RCOR1: variants seen among roughly 807,000 people sequenced by gnomAD.
RCOR1 encodes the protein REST corepressor.
A neutral mutation model predicts 64.0 loss-of-function variants in RCOR1; 12 were observed. That is an observed-to-expected ratio of 0.19 (90% CI 0.12 to 0.30). The LOEUF is 0.30. Ranked by LOEUF, RCOR1 falls within the 10% of genes least tolerant of loss-of-function variation. RCOR1 has a pLI of 1.00. For missense variants in RCOR1, 502 were observed against 621.2 expected (o/e 0.81, Z 2.04); for synonymous variants, 279 against 227.2 (o/e 1.23, Z -2.05).
Position 102,710,550 on chromosome 14 carries a change from C to T in RCOR1, c.780-385C>T, listed in dbSNP as rs1391955525. Among the ~76,000 whole-genome samples the T allele has an allele frequency of 5.3e-5, 8 of 152,088 alleles. No homozygotes were observed. In the East Asian group the frequency reaches 1.5e-3, roughly 29 times the overall value. On this transcript the variant is annotated intron_variant, in intron 6 of 11. Coordinates refer to ENST00000262241, the MANE Select transcript of RCOR1 (RefSeq NM_015156.4). The stretch of plus-strand genomic sequence containing the variant: ...CCAATGCAGTGGAAATTTATTCTCC[C>T]ATAATTTCTCAGTTTTGTTTAGTAA...
intron 2 of RCOR1, among the ~76,000 whole-genome samples, chr14:102,678,797 G>C (rs1895244111): frequency 6.6e-6 from 1 of 152,194 alleles, no homozygotes; most frequent in Admixed American, 6.5e-5. Context: ...ACTTTGTAGT[G>C]TTGATGCCTT....
chr14:102,686,993 G>T (rs1169257470), intron 3 of RCOR1, among the ~76,000 whole-genome samples: 1 of 152,152 alleles, frequency 6.6e-6, no homozygotes, highest in African/African-American at 2.4e-5. Flanking sequence ...TCTTTTCAGT[G>T]TACCTGGCTC....
At chr14:102,698,103 T>C (rs1441828297) in intron 3 of RCOR1, among the ~76,000 whole-genome samples, 2 of 152,242 alleles carry the variant, frequency 1.3e-5, no homozygotes, top group African/African-American at 4.8e-5. Context: ...GCAGATGTCC[T>C]ATATAACCTC....
chr14:102,655,321 C>G (rs1894700507), intron 2 of RCOR1: 9 of 984,846 alleles, frequency 9.1e-6, no homozygotes, highest in Non-Finnish European at 1.1e-5. Flanking sequence ...TGGAGAATAT[C>G]TGACCTGTTG....
chr14:102,722,467 C>T (rs1488767326), intron 11 of RCOR1, 51 bp downstream of exon 11: 1 of 1,436,650 alleles, frequency 7.0e-7, no homozygotes, highest in East Asian at 2.3e-5. Context: ...ACGCTTGATA[C>T]TCCAGTTTCT....
intron 2 of RCOR1, chr14:102,649,626 C>T (rs1894545513): frequency 5.5e-6 from 1 of 181,166 alleles, no homozygotes; most frequent in Non-Finnish European, 1.1e-5. Context: ...TATGCACTGC[C>T]AAGTGTCCTT....
At chr14:102,678,068 C>T (rs1440684529) in intron 2 of RCOR1, among the ~76,000 whole-genome samples, 6 of 150,192 alleles carry the variant, frequency 4.0e-5, no homozygotes, top group East Asian at 2.0e-4. Context: ...TCAGGCGTGG[C>T]GGCGCGCGCC....
At position 102,592,777 on chromosome 14, in the gene RCOR1, G is replaced by A. The variant is rs1486142720; in HGVS notation, c.-110G>A. 2 of 1,200,572 alleles carry A rather than the reference G, an allele frequency of 1.7e-6. No homozygotes were observed. Among genetic ancestry groups the A allele is most frequent in the Non-Finnish European group, 2.1e-6 (2 of 968,416 alleles). 74.4% of individuals were successfully genotyped at this position (1,200,572 alleles called of 1,614,324 possible). On this transcript the variant is annotated 5_prime_UTR_variant, in exon 1 of 12. Transcript: ENST00000262241. The stretch of plus-strand genomic sequence containing the variant: ...CTCGGACTCGCGCCCGTGGGCTCCC[G>A]CCGCGCCCGCCCGGCCCCGCGCCGG...
At chr14:102,616,262 GTATA>G (rs1233005116) in intron 2 of RCOR1, among the ~76,000 whole-genome samples, 2 of 147,346 alleles carry the variant, frequency 1.4e-5, no homozygotes, top group Non-Finnish European at 3.0e-5. Flanking sequence ...GTGTGTGTGT[GTATA>G]TATATATTTA....
At chr14:102,683,467 C>T (rs995866365) in intron 3 of RCOR1, among the ~76,000 whole-genome samples, 4 of 152,190 alleles carry the variant, frequency 2.6e-5, no homozygotes, top group Non-Finnish European at 4.4e-5. Context: ...AGGTGGAGCA[C>T]GGAAAAGAAG....
chr14:102,614,554 A>G (rs1426099971), intron 2 of RCOR1, among the ~76,000 whole-genome samples: 2 of 152,136 alleles, frequency 1.3e-5, no homozygotes, highest in Non-Finnish European at 2.9e-5. Context: ...TCAGATATTG[A>G]TAACTCCCAG....
At chr14:102,613,379 G>C (rs1893674635) in intron 2 of RCOR1, among the ~76,000 whole-genome samples, 1 of 151,842 alleles carries the variant, frequency 6.6e-6, no homozygotes, top group Non-Finnish European at 1.5e-5. Flanking sequence ...TGGAATTACA[G>C]GTGTGAGCCA....
At chr14:102,630,044 T>G in intron 2 of RCOR1, 1 of 954,442 alleles carries the variant, frequency 1.0e-6, no homozygotes, top group African/African-American at 1.8e-5. Context: ...ACTGCTATAG[T>G]TTGGATGTGG....
At chr14:102,599,281 A>G (rs1893335833) in intron 2 of RCOR1, among the ~76,000 whole-genome samples, 1 of 152,016 alleles carries the variant, frequency 6.6e-6, no homozygotes, top group Non-Finnish European at 1.5e-5. Flanking sequence ...GATGTCCACG[A>G]CCATGCCTGA....
Position 102,593,246 on chromosome 14 carries a change from G to C in RCOR1, c.302-20G>C, listed in dbSNP as rs758677599. 52 of 1,508,244 alleles carry C rather than the reference G, an allele frequency of 3.4e-5. 1 individual carries two copies. Among genetic ancestry groups the C allele is most frequent in the South Asian group, 2.9e-4 (23 of 79,396 alleles). The allele number at this position is 1,508,244 out of a possible 1,614,324, so 93.4% of individuals were successfully genotyped here. A position where few individuals can be genotyped will look rare whatever the true frequency, so the allele number is the denominator to read the frequency against. The stretch of plus-strand genomic sequence containing the variant: ...CGCGCCCCGCGCCGCGCTGACCGCC[G>C]TATTCTGCTTCCCCCGCAGGTGGCG... On this transcript the variant is annotated intron_variant, in intron 1 of 11. Coordinates refer to ENST00000262241, the MANE Select transcript of RCOR1 (RefSeq NM_015156.4).
chr14:102,597,171 T>A (rs748729597), intron 2 of RCOR1, among the ~76,000 whole-genome samples: 4 of 150,850 alleles, frequency 2.7e-5, no homozygotes, highest in South Asian at 2.1e-4. Flanking sequence ...CCATGCCCTG[T>A]CCCTACCTCA....
intron 2 of RCOR1, among the ~76,000 whole-genome samples, chr14:102,605,676 T>TA (rs1172015877): frequency 6.6e-6 from 1 of 152,238 alleles, no homozygotes; most frequent in African/African-American, 2.4e-5. Context: ...TTTACTATGC[T>TA]ATACTTTGTA....
intron 2 of RCOR1, among the ~76,000 whole-genome samples, chr14:102,660,590 T>TA (rs1397626792): frequency 3.3e-5 from 5 of 152,178 alleles, no homozygotes; most frequent in Non-Finnish European, 7.3e-5. Flanking sequence ...GGCTGATCTC[T>TA]AACTCCTGGC....
chr14:102,701,921 C>G (rs190500031), intron 4 of RCOR1, among the ~76,000 whole-genome samples: 39 of 152,260 alleles, frequency 2.6e-4, no homozygotes, highest in African/African-American at 8.9e-4. Context: ...AGAGAAGGGG[C>G]CTCCCAAAGT....
Sources: gnomAD v4.1 joint callset for allele counts (sites outside exome capture counted in the v4.1 genomes callset) on GRCh38, gnomAD v4.1.1 for gene constraint, MANE v1.5 for transcripts, NCBI Gene and HGNC (gene_info 2026-07-23, HGNC 2026-07-21) for gene names.